DLEU7: variants seen among roughly 807,000 people sequenced by gnomAD.
DLEU7 encodes deleted in lymphocytic leukemia 7.
DLEU7 carries 17 observed loss-of-function variants against 16.0 expected under a neutral mutation model. The ratio of observed to expected loss-of-function variants is 1.06; its 90% CI spans 0.73 to 1.59. The LOEUF is 1.59. Ranked by LOEUF, DLEU7 falls within the 40% of genes most tolerant of loss-of-function variation. The pLI is 0.00. For synonymous variants in DLEU7, 113 were observed against 139.8 expected (o/e 0.81, Z 1.35); for missense variants, 308 against 314.9 (o/e 0.98, Z 0.17).
chr13:50,717,515 A>C (rs1873470990), intron 1 of DLEU7, among the ~76,000 whole-genome samples: 1 of 151,580 alleles, frequency 6.6e-6, no homozygotes, highest in Non-Finnish European at 1.5e-5. Flanking sequence ...AGTTATTCTG[A>C]TCTTCATGCT....
intron 1 of DLEU7, among the ~76,000 whole-genome samples, chr13:50,830,066 A>G (rs1222920040): frequency 1.3e-5 from 2 of 152,212 alleles, no homozygotes; most frequent in Admixed American, 1.3e-4. Flanking sequence ...AAATGATGTA[A>G]TATCCTACAC....
chr13:50,713,834 G>T (rs1873362878), intron 1 of DLEU7, among the ~76,000 whole-genome samples: 1 of 152,182 alleles, frequency 6.6e-6, no homozygotes, highest in East Asian at 1.9e-4. Context: ...ACGGGATGGG[G>T]ACTGTAAGGA....
chr13:50,826,003 TC>T (rs1181386389), intron 1 of DLEU7, among the ~76,000 whole-genome samples: 1 of 115,024 alleles, frequency 8.7e-6, no homozygotes, highest in Admixed American at 9.4e-5. Flanking sequence ...ATGCTATCCC[TC>T]CCCCCTCCCC....
intron 1 of DLEU7, among the ~76,000 whole-genome samples, chr13:50,747,611 C>G (rs1309348595): frequency 6.6e-6 from 1 of 152,036 alleles, no homozygotes; most frequent in Non-Finnish European, 1.5e-5. Context: ...GTCACCACTT[C>G]CCATTCCGCC....
chr13:50,785,421 G>C (rs949936977), intron 1 of DLEU7, among the ~76,000 whole-genome samples: 1 of 152,100 alleles, frequency 6.6e-6, no homozygotes, highest in African/African-American at 2.4e-5. Context: ...CTAGAATTTT[G>C]CTCTATTAGA....
chr13:50,742,234 A>G (rs550447455), intron 1 of DLEU7, among the ~76,000 whole-genome samples: 1 of 152,242 alleles, frequency 6.6e-6, no homozygotes, highest in Non-Finnish European at 1.5e-5. Flanking sequence ...CAATTTTCTG[A>G]AAAAAAGGAA....
intron 1 of DLEU7, among the ~76,000 whole-genome samples, chr13:50,772,046 G>C: frequency 6.6e-6 from 1 of 152,042 alleles, no homozygotes; most frequent in Non-Finnish European, 1.5e-5. Context: ...TTTGATCTTT[G>C]TTGGTTTAAA....
chr13:50,801,043 C>T (rs1218335505), intron 1 of DLEU7, among the ~76,000 whole-genome samples: 1 of 152,154 alleles, frequency 6.6e-6, no homozygotes, highest in Admixed American at 6.5e-5. Flanking sequence ...AGGCTTTTCA[C>T]ATTTCATAGA....
intron 1 of DLEU7, among the ~76,000 whole-genome samples, chr13:50,757,138 C>G (rs1297424417): frequency 6.6e-6 from 1 of 152,172 alleles, no homozygotes; most frequent in African/African-American, 2.4e-5. Flanking sequence ...CTCAGGATTT[C>G]TGGTTTATTC....
At chr13:50,808,805 A>T (rs937058442) in intron 1 of DLEU7, 2 of 152,098 alleles carry the variant, frequency 1.3e-5, no homozygotes, top group African/African-American at 4.8e-5. Context: ...TTTAAATAAG[A>T]AATTGCTGAT....
intron 1 of DLEU7, among the ~76,000 whole-genome samples, chr13:50,783,723 C>G (rs897232679): frequency 6.6e-6 from 1 of 152,198 alleles, no homozygotes; most frequent in African/African-American, 2.4e-5. Context: ...TAGGTGCTCA[C>G]AAATTCAACA....
At chr13:50,733,020 G>A (rs2706238) in intron 1 of DLEU7, among the ~76,000 whole-genome samples, 87,586 of 151,996 alleles carry the variant, frequency 0.58, 27,554 homozygotes, top group African/African-American at 0.84. Flanking sequence ...GTTATCAAAC[G>A]CACACGCATG....
At chr13:50,800,990 C>T (rs1477815519) in intron 1 of DLEU7, among the ~76,000 whole-genome samples, 1 of 152,112 alleles carries the variant, frequency 6.6e-6, no homozygotes, top group Non-Finnish European at 1.5e-5. Flanking sequence ...CACTAGCAAG[C>T]CAGCAGTGGG....
intron 1 of DLEU7, among the ~76,000 whole-genome samples, chr13:50,743,081 C>A (rs1252808840): frequency 6.6e-6 from 1 of 152,022 alleles, no homozygotes; most frequent in Non-Finnish European, 1.5e-5. Context: ...GTGAATAATT[C>A]TTTCTTCCCT....
At chr13:50,777,764 C>T (rs1053367820) in intron 1 of DLEU7, among the ~76,000 whole-genome samples, 3 of 152,134 alleles carry the variant, frequency 2.0e-5, no homozygotes, top group African/African-American at 4.8e-5. Context: ...CCCTAAGAAG[C>T]GTTGAGATGT....
At chr13:50,774,393 A>G (rs1875430693) in intron 1 of DLEU7, among the ~76,000 whole-genome samples, 1 of 152,154 alleles carries the variant, frequency 6.6e-6, no homozygotes, top group Non-Finnish European at 1.5e-5. Flanking sequence ...TTACTTGGCC[A>G]TCTTGGAATG....
intron 1 of DLEU7, among the ~76,000 whole-genome samples, chr13:50,751,405 T>A (rs551041466): frequency 7.2e-5 from 11 of 152,314 alleles, no homozygotes; most frequent in Admixed American, 3.9e-4. Context: ...TTTGGTTATG[T>A]CCTTTCCTGG....
intron 1 of DLEU7, among the ~76,000 whole-genome samples, chr13:50,742,334 T>C (rs926543821): frequency 1.3e-5 from 2 of 152,230 alleles, no homozygotes; most frequent in African/African-American, 2.4e-5. Flanking sequence ...TGTCCTCTTA[T>C]GTGTACTCTT....
chr13:50,798,863 A>G (rs1876172158), intron 1 of DLEU7, among the ~76,000 whole-genome samples: 1 of 152,124 alleles, frequency 6.6e-6, no homozygotes, highest in East Asian at 1.9e-4. Context: ...AGCTCTTGGG[A>G]CCCACTCACC....
Sources: allele counts gnomAD v4.1 joint callset (sites outside exome capture counted in the v4.1 genomes callset), GRCh38; gene constraint gnomAD v4.1.1; transcripts MANE v1.5; gene names NCBI Gene and HGNC (gene_info 2026-07-23, HGNC 2026-07-21).